Variants in ZNF385D observed in about 807,000 individuals in gnomAD.
ZNF385D encodes the protein zinc finger protein 659.
A neutral mutation model predicts 35.8 loss-of-function variants in ZNF385D; 15 were observed. The observed-to-expected ratio is 0.42, with a 90% CI of 0.28 to 0.64. The LOEUF (loss-of-function observed/expected upper bound fraction) is 0.64, where lower values mean the gene tolerates loss of function less well. Ranked by LOEUF, ZNF385D falls within the 30% of genes least tolerant of loss-of-function variation. The pLI, the probability that ZNF385D is intolerant of heterozygous loss-of-function variation, is 0.23. For missense variants in ZNF385D, 474 were observed against 494.6 expected (o/e 0.96, Z 0.39); for synonymous variants, 212 against 186.8 (o/e 1.13, Z -1.10).
At chr3:22,352,937 C>A (rs1216074226) in intron 2 of ZNF385D, among the ~76,000 whole-genome samples, 1 of 152,144 alleles carries the variant, frequency 6.6e-6, no homozygotes, top group Non-Finnish European at 1.5e-5. Context: ...AGCTCTCTTC[C>A]TTCCCTCCAA....
At chr3:21,436,758 C>T in intron 5 of ZNF385D, 1 of 564,966 alleles carries the variant, frequency 1.8e-6, no homozygotes, top group Non-Finnish European at 3.1e-6. Flanking sequence ...CACATACACA[C>T]ACACCATGGA....
intron 2 of ZNF385D, among the ~76,000 whole-genome samples, chr3:22,353,253 C>T (rs1230845527): frequency 1.3e-5 from 2 of 152,184 alleles, no homozygotes; most frequent in African/African-American, 4.8e-5. Flanking sequence ...GGGCCATTCA[C>T]TCATCTGTGC....
intron 3 of ZNF385D, among the ~76,000 whole-genome samples, chr3:21,941,549 A>G (rs759531063): frequency 6.0e-5 from 8 of 132,844 alleles, no homozygotes; most frequent in South Asian, 4.8e-4. Context: ...GCAGGCTGGA[A>G]TGCAGTGGCA....
intron 3 of ZNF385D, among the ~76,000 whole-genome samples, chr3:22,100,937 T>G (rs1701907219): frequency 6.6e-6 from 1 of 151,954 alleles, no homozygotes; most frequent in African/African-American, 2.4e-5. Context: ...TATAAAATAG[T>G]AAATGTGAAG....
At chr3:21,705,938 C>G (rs1417509439) in intron 1 of ZNF385D, among the ~76,000 whole-genome samples, 1 of 152,158 alleles carries the variant, frequency 6.6e-6, no homozygotes, top group Non-Finnish European at 1.5e-5. Context: ...GGGACATGTG[C>G]CCAGATGAGC....
intron 4 of ZNF385D, among the ~76,000 whole-genome samples, chr3:21,475,663 G>C (rs1303679835): frequency 6.6e-6 from 1 of 151,992 alleles, no homozygotes; most frequent in Non-Finnish European, 1.5e-5. Flanking sequence ...GCTCCATTCT[G>C]CTCAAAGTTA....
chr3:22,017,475 T>C (rs1400350171), intron 3 of ZNF385D, among the ~76,000 whole-genome samples: 2 of 152,044 alleles, frequency 1.3e-5, no homozygotes, highest in African/African-American at 2.4e-5. Context: ...TTGTTTCTTA[T>C]TCTGTCAATA....
At chr3:22,223,521 T>C (rs1424467460) in intron 2 of ZNF385D, among the ~76,000 whole-genome samples, 4 of 152,140 alleles carry the variant, frequency 2.6e-5, no homozygotes, top group Non-Finnish European at 4.4e-5. Context: ...GAGTACATCA[T>C]AGGATTGCTG....
intron 2 of ZNF385D, among the ~76,000 whole-genome samples, chr3:22,223,281 T>C (rs1000306518): frequency 6.6e-6 from 1 of 152,190 alleles, no homozygotes; most frequent in African/African-American, 2.4e-5. Flanking sequence ...TTGTCCTTCG[T>C]GTTTTCTCTA....
intron 3 of ZNF385D, chr3:21,777,653 C>G (rs1309905436): frequency 6.6e-6 from 1 of 151,936 alleles, no homozygotes; most frequent in Non-Finnish European, 1.5e-5. Context: ...TGATTTTTCA[C>G]CCTTCTTCAT....
chr3:22,291,482 C>T (rs2125398138), intron 2 of ZNF385D, among the ~76,000 whole-genome samples: 1 of 152,028 alleles, frequency 6.6e-6, no homozygotes, highest in African/African-American at 2.4e-5. Context: ...CTACCATATA[C>T]AAATATAATA....
At chr3:21,769,136 G>A (rs71310280) in intron 3 of ZNF385D, among the ~76,000 whole-genome samples, 11,171 of 152,004 alleles carry the variant, frequency 0.073, 710 homozygotes, top group East Asian at 0.34. Flanking sequence ...CATACTGAAT[G>A]GGCAAAAACT....
At chr3:22,323,589 T>C (rs529147640) in intron 2 of ZNF385D, among the ~76,000 whole-genome samples, 1 of 152,352 alleles carries the variant, frequency 6.6e-6, no homozygotes, top group African/African-American at 2.4e-5. Flanking sequence ...AACTTTCTTA[T>C]TTTCAATGGA....
intron 3 of ZNF385D, among the ~76,000 whole-genome samples, chr3:21,874,976 T>A (rs935980623): frequency 1.5e-5 from 2 of 131,548 alleles, no homozygotes; most frequent in Non-Finnish European, 3.4e-5. Context: ...AAGTATTTTA[T>A]TATTTTGATG....
At chr3:21,556,213 G>T (rs2062738120) in intron 3 of ZNF385D, among the ~76,000 whole-genome samples, 1 of 151,744 alleles carries the variant, frequency 6.6e-6, no homozygotes, top group South Asian at 2.1e-4. Flanking sequence ...CTGTGCAGAA[G>T]CTCTTTAGCT....
At chr3:22,088,155 T>C (rs776243676) in intron 3 of ZNF385D, among the ~76,000 whole-genome samples, 3 of 152,190 alleles carry the variant, frequency 2.0e-5, no homozygotes, top group Non-Finnish European at 4.4e-5. Context: ...AGATTTTCTC[T>C]GAAGCAGGAG....
chr3:21,919,705 A>T (rs568900341), intron 3 of ZNF385D, among the ~76,000 whole-genome samples: 1 of 152,348 alleles, frequency 6.6e-6, no homozygotes, highest in Admixed American at 6.5e-5. Context: ...GTCTTTTCAC[A>T]GTTGCTCATA....
chr3:21,874,843 A>G (rs1460757617), intron 3 of ZNF385D, among the ~76,000 whole-genome samples: 1 of 152,048 alleles, frequency 6.6e-6, no homozygotes, highest in Non-Finnish European at 1.5e-5. Context: ...TAACAATATT[A>G]AGTATTTCAA....
chr3:22,262,838 C>T (rs1367867662), intron 2 of ZNF385D, among the ~76,000 whole-genome samples: 3 of 151,808 alleles, frequency 2.0e-5, no homozygotes, highest in Non-Finnish European at 2.9e-5. Flanking sequence ...ATGTGGTCTT[C>T]GTCCCCTCTT....
Sources: allele counts gnomAD v4.1 joint callset (sites outside exome capture counted in the v4.1 genomes callset), GRCh38; gene constraint gnomAD v4.1.1; transcripts MANE v1.5; gene names NCBI Gene and HGNC (gene_info 2026-07-23, HGNC 2026-07-21).